Variants in CSMD1 observed in about 807,000 individuals in gnomAD.
The protein encoded by CSMD1 is CUB and sushi domain-containing protein 1.
CSMD1 carries 213 observed loss-of-function variants against 417.5 expected under a neutral mutation model. The observed-to-expected ratio is 0.51, with a 90% confidence interval of 0.46 to 0.57. The LOEUF (loss-of-function observed/expected upper bound fraction) is 0.57, where lower values mean the gene tolerates loss of function less well. Among genes scored for constraint, CSMD1 ranks in the 20% least tolerant of loss-of-function variants. The probability of loss-of-function intolerance (pLI) is 0.00; values close to 1 mark genes in which losing one functional copy is unlikely to be tolerated. For synonymous variants in CSMD1, 2,862 were observed against 1,736.8 expected (o/e 1.65, Z -16.11); for missense variants, 6,923 against 4,529.7 (o/e 1.53, Z -15.17).
At chr8:4,483,154 G>T (rs1473223551) in intron 2 of CSMD1, among the ~76,000 whole-genome samples, 1 of 152,050 alleles carries the variant, frequency 6.6e-6, no homozygotes, top group Non-Finnish European at 1.5e-5. Flanking sequence ...AGATCCGATG[G>T]TTTGATAAGG....
chr8:3,387,822 G>A lies in CSMD1; in HGVS notation c.2594-140C>T, dbSNP rs996971007. On this transcript the variant is annotated intron_variant, in intron 17 of 69. Transcript: ENST00000635120. Reference sequence around the variant, plus strand: ...ATGCAAGTGAACCCAACAATCCATGGACATAAAAGCCAATGCATCTTCAAA... The same window carrying A: ...ATGCAAGTGAACCCAACAATCCATGAACATAAAAGCCAATGCATCTTCAAA... 1.9e-5 allele frequency: 13 copies of A among 679,408 alleles called. No homozygotes were observed. In the African/African-American group the frequency reaches 2.4e-4, roughly 12 times the overall value. 42.1% of individuals were successfully genotyped at this position (679,408 alleles called of 1,614,324 possible).
intron 6 of CSMD1, among the ~76,000 whole-genome samples, chr8:3,709,643 T>G (rs905275266): frequency 1.4e-5 from 2 of 145,774 alleles, no homozygotes; most frequent in African/African-American, 5.0e-5. Flanking sequence ...GAGGCAAGAC[T>G]TCCTCCTGCC....
At chr8:2,981,684 A>C (rs1805437664) in intron 54 of CSMD1, among the ~76,000 whole-genome samples, 1 of 152,200 alleles carries the variant, frequency 6.6e-6, no homozygotes, top group African/African-American at 2.4e-5. Context: ...TCTTATATAC[A>C]TTCAGCCCAG....
intron 38 of CSMD1, among the ~76,000 whole-genome samples, chr8:3,158,325 G>A (rs189293615): frequency 1.3e-4 from 20 of 151,956 alleles, no homozygotes; most frequent in Non-Finnish European, 2.2e-4. Flanking sequence ...CTAAGAAGCT[G>A]AAAACAATTA....
At chr8:4,204,643 T>C (rs1475197456) in intron 3 of CSMD1, among the ~76,000 whole-genome samples, 1 of 152,112 alleles carries the variant, frequency 6.6e-6, no homozygotes, top group Non-Finnish European at 1.5e-5. Context: ...GCCTAAATTA[T>C]TTTATAAAAA....
chr8:2,960,894 T>G (rs1803397013), intron 62 of CSMD1, among the ~76,000 whole-genome samples: 1 of 146,372 alleles, frequency 6.8e-6, no homozygotes, highest in South Asian at 2.2e-4. Flanking sequence ...CTATGTTAAT[T>G]TCTATATGAA....
At chr8:3,231,482 G>C (rs1798834731) in intron 26 of CSMD1, among the ~76,000 whole-genome samples, 1 of 152,052 alleles carries the variant, frequency 6.6e-6, no homozygotes, top group Non-Finnish European at 1.5e-5. Flanking sequence ...TGTAAATTCT[G>C]AAGCATTTGT....
At chr8:3,481,325 T>C (rs1472208836) in intron 11 of CSMD1, among the ~76,000 whole-genome samples, 4 of 152,086 alleles carry the variant, frequency 2.6e-5, no homozygotes, top group Non-Finnish European at 1.5e-5. Context: ...AACTGGACTA[T>C]TTTGCTTACC....
At chr8:4,784,140 C>A (rs1797288977) in intron 1 of CSMD1, among the ~76,000 whole-genome samples, 1 of 152,174 alleles carries the variant, frequency 6.6e-6, no homozygotes, top group Non-Finnish European at 1.5e-5. Context: ...CAGAATAAGT[C>A]AGTTGCCTGA....
At chr8:4,625,193 G>A (rs2130825712) in intron 2 of CSMD1, among the ~76,000 whole-genome samples, 1 of 130,462 alleles carries the variant, frequency 7.7e-6, no homozygotes, top group East Asian at 2.4e-4. Context: ...AGACCCACAG[G>A]CAACCTCGTC....
intron 3 of CSMD1, among the ~76,000 whole-genome samples, chr8:4,067,673 C>G (rs1167720375): frequency 2.6e-5 from 4 of 152,112 alleles, no homozygotes; most frequent in Admixed American, 2.0e-4. Context: ...AGTCTCACCA[C>G]CTAACTTGTC....
rs1391961654 is a variant in CSMD1, at chr8:4,266,377, T to C, written c.415+153576A>G. Among the ~76,000 whole-genome samples the C allele has an allele frequency of 1.9e-5, 2 of 105,286 alleles. 1 individual carries two copies. The highest frequency in any genetic ancestry group is 5.1e-5 in the Non-Finnish European group (2 of 39,152). The allele number at this position is 105,286 out of a possible 152,430, so 69.1% of individuals were successfully genotyped here. A position where few individuals can be genotyped will look rare whatever the true frequency, so the allele number is the denominator to read the frequency against. On this transcript the variant is annotated intron_variant, in intron 3 of 69. Transcript: ENST00000635120. The stretch of plus-strand genomic sequence containing the variant: ...ACTTTTTAATATTTTCAAGAATATA[T>C]TTGAAAATATTAATATAGTTCATTT...
At chr8:3,854,897 T>G (rs1301201656) in intron 5 of CSMD1, among the ~76,000 whole-genome samples, 1 of 152,180 alleles carries the variant, frequency 6.6e-6, no homozygotes, top group Non-Finnish European at 1.5e-5. Context: ...ACATTACAAT[T>G]CACTCGCAAA....
intron 7 of CSMD1, among the ~76,000 whole-genome samples, chr8:3,622,334 T>G (rs6996642): frequency 0.4 from 60,226 of 152,090 alleles, 12,060 homozygotes; most frequent in Middle Eastern, 0.49. Flanking sequence ...TCATTGATGT[T>G]TGTCAGAAAT....
chr8:3,259,432 G>T (rs1043549450), intron 26 of CSMD1, among the ~76,000 whole-genome samples: 12 of 152,054 alleles, frequency 7.9e-5, no homozygotes, highest in Non-Finnish European at 1.6e-4. Context: ...ATGAGTGAAT[G>T]AATGAATGAA....
chr8:3,567,877 T>A (rs528359884), intron 10 of CSMD1, among the ~76,000 whole-genome samples: 1 of 152,116 alleles, frequency 6.6e-6, no homozygotes, highest in Non-Finnish European at 1.5e-5. Flanking sequence ...CTCCTTATCC[T>A]CATCACTCTC....
chr8:4,738,466 C>G (rs904309396), intron 1 of CSMD1, among the ~76,000 whole-genome samples: 3 of 152,036 alleles, frequency 2.0e-5, no homozygotes, highest in Non-Finnish European at 4.4e-5. Flanking sequence ...CTCATGAGAA[C>G]AAACTTGCTA....
chr8:4,487,461 C>T (rs1226757939), intron 2 of CSMD1, among the ~76,000 whole-genome samples: 1 of 152,094 alleles, frequency 6.6e-6, no homozygotes, highest in Non-Finnish European at 1.5e-5. Flanking sequence ...TGCTGATTTC[C>T]AATTTCATCC....
chr8:4,009,251 G>A (rs1220732853), intron 4 of CSMD1, among the ~76,000 whole-genome samples: 2 of 152,134 alleles, frequency 1.3e-5, no homozygotes, highest in African/African-American at 4.8e-5. Context: ...TTCCTCCCAA[G>A]TAATTTCAGA....
Sources: gnomAD v4.1 joint callset for allele counts (sites outside exome capture counted in the v4.1 genomes callset) on GRCh38, gnomAD v4.1.1 for gene constraint, MANE v1.5 for transcripts, NCBI Gene and HGNC (gene_info 2026-07-23, HGNC 2026-07-21) for gene names.